Variants in WDR49 observed in about 807,000 individuals in gnomAD.
WDR49 encodes the protein WD repeat domain 49.
Under a neutral mutation model 119.5 loss-of-function variants are expected in WDR49, and 107 were observed. That is an observed-to-expected ratio of 0.90 (90% CI 0.77 to 1.05). The LOEUF (loss-of-function observed/expected upper bound fraction) is 1.05, where lower values mean the gene tolerates loss of function less well. WDR49 is among the 50% of genes least tolerant of loss of function. WDR49 has a pLI of 0.00. For missense variants in WDR49, 1,240 were observed against 1,220.5 expected (o/e 1.02, Z -0.24); for synonymous variants, 425 against 418.8 (o/e 1.01, Z -0.18).
intron 18 of WDR49, among the ~76,000 whole-genome samples, chr3:167,495,086 TTC>T (rs145055611): frequency 0.016 from 2,478 of 152,234 alleles, 68 homozygotes; most frequent in African/African-American, 0.057. Flanking sequence ...CTTTTAAATT[TTC>T]TGTCATACAA....
intron 11 of WDR49, among the ~76,000 whole-genome samples, chr3:167,534,451 A>C (rs1304834778): frequency 6.6e-6 from 1 of 152,124 alleles, no homozygotes; most frequent in Non-Finnish European, 1.5e-5. Flanking sequence ...ACATTTCAGG[A>C]TGTGATCCTC....
At chr3:167,501,175 CT>C (rs1394664614) in intron 17 of WDR49, among the ~76,000 whole-genome samples, 2 of 152,134 alleles carry the variant, frequency 1.3e-5, no homozygotes, top group Non-Finnish European at 2.9e-5. Flanking sequence ...GCTTACGGTG[CT>C]AGGCCAGGGA....
chr3:167,641,903 G>A (rs1057260231), intron 2 of WDR49, among the ~76,000 whole-genome samples: 1 of 150,668 alleles, frequency 6.6e-6, no homozygotes. Context: ...GAGAATAAAC[G>A]TATGCTATGT....
chr3:167,543,348 T>C (rs1711959107), intron 10 of WDR49, among the ~76,000 whole-genome samples: 1 of 151,824 alleles, frequency 6.6e-6, no homozygotes, highest in African/African-American at 2.4e-5. Context: ...AAAAGAAAAC[T>C]GCAGACCAAT....
In WDR49 at chr3:167,575,953, C is replaced by T. The variant is rs756311911; in HGVS notation, c.1474G>A (p.Val492Ile). The T allele has an allele frequency of 3.1e-6, 5 of 1,614,148 alleles. No individual in the cohort carries two copies. The highest frequency in any genetic ancestry group is 3.4e-6 in the Non-Finnish European group (4 of 1,180,016). ...SKRVKSHEKA[V>I]TCVLYNSILK... The stretch of plus-strand genomic sequence containing the variant: ...ATAGAATTGTAAAGAACACAAGTGA[C>T]TGCTTTCTCATGGCTTTTCACCCTC... The change falls in exon 8 of 19, where the codon GTC becomes ATC. Residue 492 changes from valine (V) to isoleucine (I), a missense_variant. Coordinates refer to ENST00000682715, the MANE Select transcript of WDR49 (RefSeq NM_001366157.1).
chr3:167,546,622 C>T (rs1006284820), intron 10 of WDR49, among the ~76,000 whole-genome samples: 3 of 149,706 alleles, frequency 2.0e-5, no homozygotes, highest in Admixed American at 1.3e-4. Context: ...AAATGAATCA[C>T]GTCTCTAATT....
intron 7 of WDR49, among the ~76,000 whole-genome samples, chr3:167,597,470 T>G (rs1486603593): frequency 6.6e-6 from 1 of 152,172 alleles, no homozygotes; most frequent in Non-Finnish European, 1.5e-5. Context: ...CTCCCACAGA[T>G]AGTCCCCCTG....
At chr3:167,611,270 TTAAAA>T (rs1716323548) in intron 5 of WDR49, among the ~76,000 whole-genome samples, 1 of 152,210 alleles carries the variant, frequency 6.6e-6, no homozygotes. Flanking sequence ...TGCTCTCAGC[TTAAAA>T]TAATGGGTTA....
intron 7 of WDR49, among the ~76,000 whole-genome samples, chr3:167,578,597 A>G (rs1714373524): frequency 1.3e-5 from 2 of 152,016 alleles, no homozygotes; most frequent in South Asian, 4.1e-4. Flanking sequence ...TATTGTTATT[A>G]TTTTAAATAT....
At chr3:167,542,877 A>T (rs1711929061) in intron 10 of WDR49, among the ~76,000 whole-genome samples, 1 of 152,082 alleles carries the variant, frequency 6.6e-6, no homozygotes, top group African/African-American at 2.4e-5. Context: ...AAAGATAAAC[A>T]AAATTGGTAG....
At chr3:167,527,631 A>G (rs1037244182) in intron 15 of WDR49, among the ~76,000 whole-genome samples, 189 bp downstream of exon 15, 2 of 151,986 alleles carry the variant, frequency 1.3e-5, no homozygotes, top group African/African-American at 4.8e-5. Flanking sequence ...GGTGTCTTCC[A>G]CTTGATGGAA....
intron 18 of WDR49, among the ~76,000 whole-genome samples, chr3:167,480,038 C>T (rs1490262932): frequency 6.6e-6 from 1 of 151,662 alleles, no homozygotes; most frequent in African/African-American, 2.4e-5. Flanking sequence ...CGAGACTAGC[C>T]TGGCCAATTT....
At chr3:167,649,324 A>G (rs1718267914) in intron 2 of WDR49, among the ~76,000 whole-genome samples, 1 of 152,072 alleles carries the variant, frequency 6.6e-6, no homozygotes, top group Admixed American at 6.6e-5. Flanking sequence ...AAAAAAAGGT[A>G]AGAAAAGGCC....
intron 12 of WDR49, 51 bp downstream of exon 12, chr3:167,532,828 C>A: frequency 1.5e-6 from 2 of 1,354,158 alleles, no homozygotes; most frequent in South Asian, 1.3e-5. Flanking sequence ...AACAACCAGG[C>A]CTACTGTGAT....
At chr3:167,629,835 G>A (rs1340517623) in intron 2 of WDR49, among the ~76,000 whole-genome samples, 3 of 152,098 alleles carry the variant, frequency 2.0e-5, no homozygotes, top group African/African-American at 7.2e-5. Flanking sequence ...ACTCGAATTA[G>A]AAGTGGAGCC....
At chr3:167,538,371 T>C (rs1032081600) in intron 10 of WDR49, among the ~76,000 whole-genome samples, 2 of 152,172 alleles carry the variant, frequency 1.3e-5, no homozygotes, top group South Asian at 4.1e-4. Context: ...TGTCTTTCTC[T>C]TCCCCAGTCA....
chr3:167,645,630 A>T (rs1718083854), intron 2 of WDR49, among the ~76,000 whole-genome samples: 1 of 152,150 alleles, frequency 6.6e-6, no homozygotes, highest in Non-Finnish European at 1.5e-5. Flanking sequence ...TACTTCTGGA[A>T]AATAACTCAG....
rs1461729180 is a variant in WDR49, at chr3:167,604,372, A to G, written c.1055T>C (p.Leu352Pro). Residue 352 changes from leucine (L) to proline (P), a missense_variant, in exon 6 of 19, where the codon CTT (leucine) becomes CCT (proline). By Grantham distance (98) the Leu-to-Pro change is moderately conservative (BLOSUM62 -3). Transcript: ENST00000682715. ...GGCAATGTTGAAGGATGTCATATTA[A>G]GACGCTTTTTTGATTTCTCTCTCCA... Reference protein sequence around the residue: ...MAWREKSKKRLNMTSFNIAQG... With the variant: ...MAWREKSKKRPNMTSFNIAQG... The G allele has an allele frequency of 6.2e-7, 1 of 1,613,896 alleles. No individual in the cohort carries two copies. Among genetic ancestry groups the G allele is most frequent in the Non-Finnish European group, 8.5e-7 (1 of 1,179,892 alleles).
intron 7 of WDR49, among the ~76,000 whole-genome samples, chr3:167,578,792 T>A (rs189359777): frequency 8.3e-4 from 126 of 152,308 alleles, no homozygotes; most frequent in African/African-American, 3.0e-3. Flanking sequence ...AGCCTCTCCA[T>A]CATGCTTTTC....
Sources: gnomAD v4.1 joint callset for allele counts (sites outside exome capture counted in the v4.1 genomes callset) on GRCh38, gnomAD v4.1.1 for gene constraint, MANE v1.5 for transcripts, NCBI Gene and HGNC (gene_info 2026-07-23, HGNC 2026-07-21) for gene names.